PDE1C: variants seen among roughly 807,000 people sequenced by gnomAD.
PDE1C encodes the protein dual specificity calcium/calmodulin-dependent 3',5'-cyclic nucleotide phosphodiesterase 1C.
PDE1C carries 62 observed loss-of-function variants against 93.1 expected under a neutral mutation model. The ratio of observed to expected loss-of-function variants is 0.67; its 90% confidence interval spans 0.54 to 0.82. PDE1C has a LOEUF of 0.82. Among genes scored for constraint, PDE1C ranks in the 40% least tolerant of loss-of-function variants. The probability of loss-of-function intolerance (pLI) is 0.00; values close to 1 mark genes in which losing one functional copy is unlikely to be tolerated. For synonymous variants in PDE1C, 325 were observed against 310.1 expected (o/e 1.05, Z -0.50); for missense variants, 742 against 884.6 (o/e 0.84, Z 2.04).
chr7:31,834,234 T>C (rs1790777226), intron 11 of PDE1C, among the ~76,000 whole-genome samples: 1 of 152,224 alleles, frequency 6.6e-6, no homozygotes, highest in African/African-American at 2.4e-5. Flanking sequence ...CCTTCATGGA[T>C]AACCTCTGCT....
chr7:32,371,902 C>T (rs745559798), intron 1 of PDE1C, among the ~76,000 whole-genome samples: 2 of 152,050 alleles, frequency 1.3e-5, no homozygotes, highest in Admixed American at 6.6e-5. Flanking sequence ...AAAAGGCAAA[C>T]GAAGTTGAAA....
chr7:32,344,913 T>A (rs564026163), intron 1 of PDE1C, among the ~76,000 whole-genome samples: 20 of 152,204 alleles, frequency 1.3e-4, no homozygotes, highest in Admixed American at 1.1e-3. Flanking sequence ...TAATATAAAA[T>A]TTTCCCAAGT....
chr7:31,964,514 G>C (rs565132066), intron 2 of PDE1C, among the ~76,000 whole-genome samples: 1 of 152,354 alleles, frequency 6.6e-6, no homozygotes, highest in South Asian at 2.1e-4. Flanking sequence ...TGCCTCTGTA[G>C]GCTCCACCTT....
In PDE1C at chr7:32,311,203, G is replaced by T. The variant is rs1205016355; in HGVS notation, c.311-101664C>A. ...ATACACCCTCCCAAGACTAAACCAG[G>T]AAGAAGTTGAATCTCTGAATAGATG... On this transcript the variant is annotated intron_variant, in intron 1 of 1. Transcript: ENST00000672256. Among the ~76,000 whole-genome samples the T allele has an allele frequency of 2.6e-5, 4 of 152,134 alleles. No individual in the cohort carries two copies. The South Asian group carries it at 8.3e-4, about 31-fold the overall frequency.
chr7:32,089,267 C>T (rs181255435), intron 3 of PDE1C, among the ~76,000 whole-genome samples: 4 of 152,272 alleles, frequency 2.6e-5, no homozygotes, highest in African/African-American at 7.2e-5. Context: ...AAAATCCTCA[C>T]ATTGAAGCTT....
chr7:31,966,788 A>T (rs1425342355), intron 2 of PDE1C, among the ~76,000 whole-genome samples: 1 of 152,224 alleles, frequency 6.6e-6, no homozygotes, highest in Non-Finnish European at 1.5e-5. Context: ...TCAAACTAGA[A>T]CTCAGGATTA....
At chr7:31,969,601 G>A (rs374603313) in intron 2 of PDE1C, among the ~76,000 whole-genome samples, 4 of 152,060 alleles carry the variant, frequency 2.6e-5, no homozygotes, top group African/African-American at 9.7e-5. Flanking sequence ...TCAGGGATCT[G>A]GAACTAGAAA....
the PDE1C span, among the ~76,000 whole-genome samples, chr7:31,650,098 AG>A: frequency 2.0e-5 from 3 of 152,204 alleles, no homozygotes; most frequent in African/African-American, 7.2e-5. Flanking sequence ...CCGGGGACAG[AG>A]GCCCAAACCT....
chr7:32,251,864 G>C (rs947049501), intron 1 of PDE1C, among the ~76,000 whole-genome samples: 2 of 152,132 alleles, frequency 1.3e-5, no homozygotes, highest in Admixed American at 6.5e-5. Flanking sequence ...TCAGCCCAGG[G>C]TGTCACCTGC....
chr7:32,251,087 A>G (rs73687122), intron 1 of PDE1C, among the ~76,000 whole-genome samples: 2 of 151,452 alleles, frequency 1.3e-5, no homozygotes, highest in South Asian at 2.1e-4. Context: ...GCGCGTGCGC[A>G]CACACACACA....
intron 2 of PDE1C, among the ~76,000 whole-genome samples, chr7:32,038,164 G>A (rs1457753875): frequency 6.6e-6 from 1 of 152,068 alleles, no homozygotes; most frequent in Non-Finnish European, 1.5e-5. Context: ...TAGGATAAAA[G>A]GGTTGGATTT....
At chr7:31,883,463 A>T (rs1583772982) in intron 2 of PDE1C, among the ~76,000 whole-genome samples, 1 of 152,248 alleles carries the variant, frequency 6.6e-6, no homozygotes, top group Non-Finnish European at 1.5e-5. Context: ...CTAAACATGA[A>T]AATGAGCTGA....
At chr7:31,995,990 C>T (rs1034575210) in intron 2 of PDE1C, among the ~76,000 whole-genome samples, 3 of 150,490 alleles carry the variant, frequency 2.0e-5, no homozygotes, top group African/African-American at 7.3e-5. Flanking sequence ...TGCATTACTC[C>T]GAGAGGGACA....
chr7:32,362,968 GAGA>G (rs1784162104), intron 1 of PDE1C, among the ~76,000 whole-genome samples: 2 of 152,204 alleles, frequency 1.3e-5, no homozygotes, highest in South Asian at 4.1e-4. Flanking sequence ...ACAGATGGGG[GAGA>G]AGAAGGAAGC....
upstream of PDE1C, among the ~76,000 whole-genome samples, chr7:32,071,751 G>T (rs920940982): frequency 1.3e-5 from 2 of 152,232 alleles, no homozygotes; most frequent in South Asian, 4.2e-4. Context: ...ATGAAGTTGG[G>T]AGTCAGGGAG....
intron 3 of PDE1C, among the ~76,000 whole-genome samples, chr7:32,153,406 G>T (rs1050834661): frequency 6.6e-6 from 1 of 152,130 alleles, no homozygotes. Flanking sequence ...GGGCCTTAAT[G>T]GTCATGAAAG....
chr7:31,639,864 TTTC>T, the PDE1C span, among the ~76,000 whole-genome samples: 1 of 152,308 alleles, frequency 6.6e-6, no homozygotes, highest in Non-Finnish European at 1.5e-5. Context: ...TTTAATGCTC[TTTC>T]TTAATTGATA....
At chr7:32,364,404 C>T (rs945640226) in intron 1 of PDE1C, among the ~76,000 whole-genome samples, 4 of 152,148 alleles carry the variant, frequency 2.6e-5, no homozygotes, top group Non-Finnish European at 5.9e-5. Context: ...AACTGGAAGT[C>T]CAGGAGGGCA....
At chr7:32,201,999 A>C (rs1363094642) in intron 2 of PDE1C, among the ~76,000 whole-genome samples, 1 of 152,340 alleles carries the variant, frequency 6.6e-6, no homozygotes, top group East Asian at 1.9e-4. Flanking sequence ...CGACAGAGGT[A>C]GGAAATCAGG....
Sources: allele counts gnomAD v4.1 joint callset (sites outside exome capture counted in the v4.1 genomes callset), GRCh38; gene constraint gnomAD v4.1.1; transcripts MANE v1.5; gene names NCBI Gene and HGNC (gene_info 2026-07-23, HGNC 2026-07-21).